The following BTBD3 variants were observed in gnomAD, a reference collection of about 807,000 sequenced individuals.
BTBD3 encodes BTB domain containing 3.
In BTBD3, 14 loss-of-function variants were observed where a neutral mutation model predicts 41.6. The observed-to-expected ratio is 0.34, with a 90% CI of 0.22 to 0.53. BTBD3 has a LOEUF of 0.53. Ranked by LOEUF, BTBD3 falls within the 20% of genes least tolerant of loss-of-function variation. The probability of loss-of-function intolerance (pLI) is 0.95; values close to 1 mark genes in which losing one functional copy is unlikely to be tolerated. For missense variants in BTBD3, 426 were observed against 654.7 expected, an observed-to-expected ratio of 0.65 and a Z score of 3.81; for synonymous variants, 249 against 233.7, an observed-to-expected ratio of 1.07 and a Z score of -0.60.
At chr20:11,918,761 A>C (rs1466853859) in intron 1 of BTBD3, 160 bp downstream of exon 1, 5 of 773,002 alleles carry the variant, frequency 6.5e-6, no homozygotes, top group Non-Finnish European at 9.9e-6. Context: ...CCAAAACAGT[A>C]CAGCTGTTTT....
At chr20:11,896,424 A>C (rs988869621) in intron 1 of BTBD3, among the ~76,000 whole-genome samples, 1 of 152,166 alleles carries the variant, frequency 6.6e-6, no homozygotes, top group Non-Finnish European at 1.5e-5. Context: ...TGACACTTTT[A>C]TCTACTTTTA....
intron 1 of BTBD3, among the ~76,000 whole-genome samples, chr20:11,898,169 A>G (rs2056800020): frequency 6.6e-6 from 1 of 152,136 alleles, no homozygotes; most frequent in Non-Finnish European, 1.5e-5. Context: ...CTACAAATAA[A>G]TAAATAAATA....
At chr20:11,921,780 TAA>T (rs1019675696) in intron 3 of BTBD3, 1 of 152,202 alleles carries the variant, frequency 6.6e-6, no homozygotes, top group Non-Finnish European at 1.5e-5. Flanking sequence ...TGAAATACAA[TAA>T]CTAAAGGAAA....
intron 1 of BTBD3, among the ~76,000 whole-genome samples, chr20:11,898,774 C>T (rs931175788): frequency 2.6e-5 from 4 of 152,058 alleles, no homozygotes; most frequent in African/African-American, 9.7e-5. Context: ...AGTTCAAGAA[C>T]ATTTATAGTT....
In BTBD3 at chr20:11,923,194, C is replaced by G; in HGVS notation, c.1097C>G (p.Ala366Gly). Residue 366 changes from alanine to glycine, a missense_variant, in exon 4 of 4, where the codon GCC (alanine) becomes GGC (glycine). Transcript: ENST00000378226. This position sits in a 1 kb window ranked among gnomAD's most constrained non-coding sequence, Gnocchi z 5.3. ...CCTGAGCTTCAGTTTGTGAGTAAAG[C>G]CCGTAAGGGCCTTGTCCCCCAGCGC... is the stretch of plus-strand genomic sequence containing the variant. ...KKPELQFVSK[A>G]RKGLVPQRCH... is the part of the protein sequence containing the mutation. The G allele has an allele frequency of 6.2e-7, 1 of 1,614,242 alleles. No individual in the cohort carries two copies. The highest frequency in any genetic ancestry group is 8.5e-7 in the Non-Finnish European group (1 of 1,180,050).
At chr20:11,897,310 C>G (rs947767426) in intron 1 of BTBD3, among the ~76,000 whole-genome samples, 1 of 152,078 alleles carries the variant, frequency 6.6e-6, no homozygotes, top group African/African-American at 2.4e-5. Context: ...GACGCTTCAG[C>G]CTAAATATGG....
At position 11,918,590 on chromosome 20, in the gene BTBD3, C is replaced by T. The variant is rs1365751311; in HGVS notation, c.315C>T (p.Thr105=). 3.1e-6 allele frequency: 5 copies of T among 1,595,998 alleles called. No individual in the cohort carries two copies. The South Asian group carries it at 3.4e-5, about 11-fold the overall frequency. The change falls in exon 1 of 4, where the codon ACC becomes ACT. Residue 105 remains threonine, a synonymous_variant. Transcript: ENST00000378226. ...PAPNWQGLYP[T]IRERNAMMFN... ...CAAACTGGCAGGGTCTTTATCCCAC[C>T]ATTAGAGAGAGGTAAGTGCCGCGCT...
chr20:11,926,126 G>A lies in BTBD3; in HGVS notation c.*2460G>A, dbSNP rs1408337383. ...TTGGATTTTGTAGCTTTTAAAACTA[G>A]AAACCATTGTTCTAACAAAGCAGGC... is the stretch of plus-strand genomic sequence containing the variant. On this transcript the variant is annotated 3_prime_UTR_variant, in exon 4 of 4. Coordinates refer to ENST00000378226, the MANE Select transcript of BTBD3 (RefSeq NM_014962.4). 1 of 152,502 alleles carries A rather than the reference G, an allele frequency of 6.6e-6. No homozygotes were observed. The highest frequency in any genetic ancestry group is 6.5e-5 in the Admixed American group (1 of 15,278). The allele number at this position is 152,502 out of a possible 1,614,324, so 9.4% of individuals were successfully genotyped here. A position where few individuals can be genotyped will look rare whatever the true frequency, so the allele number is the denominator to read the frequency against.
At chr20:11,891,760 T>C (rs2056756006) in intron 1 of BTBD3, among the ~76,000 whole-genome samples, 1 of 152,166 alleles carries the variant, frequency 6.6e-6, no homozygotes, top group African/African-American at 2.4e-5. Context: ...AGCAACCCAT[T>C]GTCCTGTGTG....
At chr20:11,910,755 A>G (rs1314773305) in intron 1 of BTBD3, among the ~76,000 whole-genome samples, 2 of 152,150 alleles carry the variant, frequency 1.3e-5, no homozygotes, top group African/African-American at 4.8e-5. Flanking sequence ...AGTTTTATGT[A>G]CATTTTATGT....
exon 1 of BTBD3, chr20:11,890,861 T>C: frequency 3.0e-6 from 3 of 984,992 alleles, no homozygotes; most frequent in Non-Finnish European, 3.6e-6. Flanking sequence ...CGCCGGGCGC[T>C]GGATCTCCGA....
intron 3 of BTBD3, among the ~76,000 whole-genome samples, chr20:11,920,402 A>C (rs1423107823): frequency 6.6e-6 from 1 of 152,234 alleles, no homozygotes; most frequent in Admixed American, 6.5e-5. Context: ...TTGACATTAC[A>C]GGGGAAATCT....
chr20:11,923,510 G>C lies in BTBD3; in HGVS notation c.1413G>C (p.Val471=). The part of the protein sequence containing the change: ...IEPDTFYTAS[V]ILDGNELSYF... ...CAGACACCTTCTACACAGCCAGTGT[G>C]ATACTGGATGGCAATGAACTCAGCT... The change falls in exon 4 of 4, where the codon GTG becomes GTC. Residue 471 remains valine, a synonymous_variant. Transcript: ENST00000378226. This position sits in a 1 kb window ranked among gnomAD's most constrained non-coding sequence, Gnocchi z 5.3. 6.2e-7 allele frequency: 1 copy of C among 1,614,216 alleles called. No individual in the cohort carries two copies. The highest frequency in any genetic ancestry group is 1.1e-5 in the South Asian group (1 of 91,080).
At chr20:11,919,506 T>A in intron 2 of BTBD3, 1 of 1,224,186 alleles carries the variant, frequency 8.2e-7, no homozygotes, top group South Asian at 1.7e-5. Context: ...TGAGGGGACA[T>A]GTGCATTAAT....
intron 3 of BTBD3, 106 bp downstream of exon 3, chr20:11,919,942 GAAGA>G: frequency 2.1e-6 from 2 of 947,572 alleles, no homozygotes; most frequent in Non-Finnish European, 3.3e-6. Context: ...GAAGACTGAT[GAAGA>G]AAGAGGGTGC....
At chr20:11,906,240 A>G (rs531993304) in intron 1 of BTBD3, among the ~76,000 whole-genome samples, 2 of 64,596 alleles carry the variant, frequency 3.1e-5, no homozygotes, top group South Asian at 9.6e-4. Flanking sequence ...CATAATTTCC[A>G]TTTATTATTA....
chr20:11,920,230 A>G (rs376435274), intron 3 of BTBD3, among the ~76,000 whole-genome samples: 26 of 152,358 alleles, frequency 1.7e-4, no homozygotes, highest in African/African-American at 6.3e-4. Flanking sequence ...TACCTTATTT[A>G]AGTAACACCA....
chr20:11,921,146 G>C (rs1161565238), intron 3 of BTBD3, among the ~76,000 whole-genome samples: 3 of 152,180 alleles, frequency 2.0e-5, no homozygotes, highest in Non-Finnish European at 2.9e-5. Context: ...GAGATTGCTA[G>C]CACTAGTTCA....
Position 11,925,452 on chromosome 20 carries a change from T to A in BTBD3, c.*1786T>A, listed in dbSNP as rs1484204234. 1 of 152,688 alleles carries A rather than the reference T, an allele frequency of 6.5e-6. No homozygotes were observed. The highest frequency in any genetic ancestry group is 1.5e-5 in the Non-Finnish European group (1 of 68,054). The allele number at this position is 152,688 out of a possible 1,614,324, so 9.5% of individuals were successfully genotyped here. ...GGATTATTGGAAATGTTTTAATCAC[T>A]CTTGCCATTACCTACATCTATTAGC... On this transcript the variant is annotated 3_prime_UTR_variant, in exon 4 of 4. Transcript: ENST00000378226.
Sources: gnomAD v4.1 joint callset for allele counts (sites outside exome capture counted in the v4.1 genomes callset) on GRCh38, gnomAD v4.1.1 for gene constraint, Gnocchi (gnomAD v3.1) non-coding constraint, MANE v1.5 for transcripts, NCBI Gene and HGNC (gene_info 2026-07-23, HGNC 2026-07-21) for gene names.